SYNE1: variants seen among roughly 807,000 people sequenced by gnomAD.
The protein encoded by SYNE1 is nesprin-1.
In SYNE1, 616 loss-of-function variants were observed where a neutral mutation model predicts 1,111.0. The observed-to-expected ratio is 0.55, with a 90% CI of 0.52 to 0.59. SYNE1 has a LOEUF of 0.59. Ranked by LOEUF, SYNE1 falls within the 20% of genes least tolerant of loss-of-function variation. The pLI is 0.00. For missense variants in SYNE1, 10,006 were observed against 10,417.0 expected (o/e 0.96, Z 1.72); for synonymous variants, 3,855 against 3,825.8 (o/e 1.01, Z -0.28).
At chr6:152,275,170 C>A (rs948401379) in intron 98 of SYNE1, among the ~76,000 whole-genome samples, 1 of 152,078 alleles carries the variant, frequency 6.6e-6, no homozygotes, top group Non-Finnish European at 1.5e-5. Context: ...GCCTCCCAAA[C>A]TGCTAAGATT....
intron 3 of SYNE1, among the ~76,000 whole-genome samples, chr6:152,596,544 G>T (rs899026590): frequency 1.6e-4 from 24 of 152,232 alleles, no homozygotes; most frequent in African/African-American, 5.8e-4. Flanking sequence ...GAGTGAGCCA[G>T]TGTGCCCGGC....
intron 14 of SYNE1, among the ~76,000 whole-genome samples, chr6:152,476,877 A>AAAAG (rs1163417491): frequency 1.3e-5 from 2 of 151,450 alleles, no homozygotes; most frequent in Non-Finnish European, 2.9e-5. Context: ...TAAAAAAAAA[A>AAAAG]AAAAGAAAAG....
At chr6:152,578,000 T>C (rs149745051) in intron 3 of SYNE1, among the ~76,000 whole-genome samples, 433 of 152,268 alleles carry the variant, frequency 2.8e-3, no homozygotes, top group African/African-American at 0.01. Flanking sequence ...GCGGTGTTTT[T>C]GTGAGTGTGG....
intron 63 of SYNE1, among the ~76,000 whole-genome samples, chr6:152,363,925 C>T (rs1169653148): frequency 1.3e-5 from 2 of 152,208 alleles, no homozygotes; most frequent in Admixed American, 6.5e-5. Context: ...TTGCTCACAA[C>T]GGTGGGCAAC....
At chr6:152,576,708 C>T (rs1384194254) in intron 3 of SYNE1, among the ~76,000 whole-genome samples, 1 of 152,108 alleles carries the variant, frequency 6.6e-6, no homozygotes, top group East Asian at 1.9e-4. Flanking sequence ...AAATTAGCTA[C>T]AGGAAGTGGG....
Position 152,629,522 on chromosome 6 carries a change from C to CGGGGGGG in SYNE1, c.-223-975_-223-969dup, listed in dbSNP as rs766614719. 3.7e-3 allele frequency among the ~76,000 whole-genome samples: 23 copies of CGGGGGGG among 6,138 alleles called. 1 individual carries two copies. Among genetic ancestry groups the CGGGGGGG allele is most frequent in the Non-Finnish European group, 4.7e-3 (17 of 3,646 alleles). 4.0% of individuals were successfully genotyped at this position (6,138 alleles called of 152,430 possible). ...TGCCTGGCTGGTTAAGTTTCATTGC[C>CGGGGGGG]GGGGGGGGGGGGGGGAGGGGGAGGG... is the stretch of plus-strand genomic sequence containing the variant. On this transcript the variant is annotated intron_variant, in intron 2 of 145. Transcript: ENST00000367255.
intron 6 of SYNE1, chr6:152,511,503 A>G: frequency 1.3e-5 from 19 of 1,417,864 alleles, no homozygotes; most frequent in Non-Finnish European, 1.6e-5. Flanking sequence ...GTTACCAAAT[A>G]GCAGGTAACT....
In SYNE1 at chr6:152,628,476, G is replaced by A. The variant is rs2099690623; in HGVS notation, c.-145C>T. The A allele has an allele frequency of 1.3e-6, 1 of 785,468 alleles. No individual in the cohort carries two copies. The highest frequency in any genetic ancestry group is 1.4e-5 in the South Asian group (1 of 70,592). The allele number at this position is 785,468 out of a possible 1,614,324, so 48.7% of individuals were successfully genotyped here. ...CCAGGCCTTTGCAGCACTCAACAAG[G>A]AGGCAGCTCTCCCAAAGACTGAACT... On this transcript the variant is annotated 5_prime_UTR_variant, in exon 3 of 146. Transcript: ENST00000367255.
chr6:152,330,829 A>AG lies in SYNE1; in HGVS notation c.13855dup (p.Leu4619ProfsTer17). ...CTGCCCAGTTCTCTGCAGCGTAAGT[A>AG]GAAGATTTTCATATTCTGGAGATTG... On this transcript the variant is annotated frameshift_variant, in exon 78 of 146. Transcript: ENST00000367255. LOFTEE classifies it high-confidence loss of function. The AG allele has an allele frequency of 6.2e-7, 1 of 1,614,080 alleles. No homozygotes were observed.
chr6:152,441,527 T>C (rs1251699633), intron 31 of SYNE1, among the ~76,000 whole-genome samples: 1 of 152,068 alleles, frequency 6.6e-6, no homozygotes, highest in Non-Finnish European at 1.5e-5. Flanking sequence ...CTTAGAAATG[T>C]AAAGATATTA....
intron 131 of SYNE1, among the ~76,000 whole-genome samples, chr6:152,161,825 T>G (rs1164996520): frequency 6.6e-6 from 1 of 152,178 alleles, no homozygotes; most frequent in African/African-American, 2.4e-5. Context: ...GAAGGTACTT[T>G]TTGCTTGTCT....
At chr6:152,407,735 G>A (rs2097921113) in intron 44 of SYNE1, among the ~76,000 whole-genome samples, 1 of 148,284 alleles carries the variant, frequency 6.7e-6, no homozygotes. Flanking sequence ...AACAAAAATA[G>A]CATGTTAAAA....
chr6:152,310,919 G>C, intron 87 of SYNE1, 46 bp from the exon 88 acceptor site: 1 of 1,580,632 alleles, frequency 6.3e-7, no homozygotes, highest in Non-Finnish European at 8.6e-7. Flanking sequence ...GCAGGTAGAG[G>C]GATATAGATA....
At chr6:152,231,044 C>T (rs535277652) in intron 114 of SYNE1, among the ~76,000 whole-genome samples, 21 of 152,150 alleles carry the variant, frequency 1.4e-4, no homozygotes, top group African/African-American at 4.3e-4. Flanking sequence ...ATGCAGCCCG[C>T]GGGCTGGGCA....
At chr6:152,408,597 C>G (rs1044036922) in intron 44 of SYNE1, among the ~76,000 whole-genome samples, 4 of 152,108 alleles carry the variant, frequency 2.6e-5, no homozygotes, top group Admixed American at 1.3e-4. Flanking sequence ...TTTATTATTT[C>G]TAAACTTTAT....
Position 152,629,015 on chromosome 6 carries a change from G to T in SYNE1, c.-223-461C>A, listed in dbSNP as rs1442264133. ...TCCTTGTTTCTCATACCAATTTGAT[G>T]AATTAAAGCAGTATAAATGTAAAAA... On this transcript the variant is annotated intron_variant, in intron 2 of 145. Coordinates refer to ENST00000367255, the MANE Select transcript of SYNE1 (RefSeq NM_182961.4). 2.6e-5 allele frequency among the ~76,000 whole-genome samples: 4 copies of T among 152,224 alleles called. No individual in the cohort carries two copies. In the East Asian group the frequency reaches 7.7e-4, roughly 29 times the overall value.
At chr6:152,493,963 C>A (rs62427698) in intron 11 of SYNE1, among the ~76,000 whole-genome samples, 30,607 of 152,120 alleles carry the variant, frequency 0.2, 3,369 homozygotes, top group East Asian at 0.46. Flanking sequence ...TGCTCACACA[C>A]TAGCTCTCCC....
intron 104 of SYNE1, among the ~76,000 whole-genome samples, chr6:152,252,577 T>A (rs2089650678): frequency 6.6e-6 from 1 of 152,198 alleles, no homozygotes; most frequent in African/African-American, 2.4e-5. Context: ...CAAAAGCTAA[T>A]CCTGAAAGAT....
Position 152,156,059 on chromosome 6 carries a change from A to C in SYNE1, c.23829T>G (p.Val7943=). ...QRDIEKHSTG[V]ASVLNLCEVL... is the part of the protein sequence containing the mutation. ...CTTCACACAGGTTGAGGACAGATGC[A>C]ACACCTGTACTGTGCTTCTCTATGT... The change falls in exon 132 of 146, where the codon GTT becomes GTG. Residue 7943 remains valine, a synonymous_variant. Transcript: ENST00000367255. 1 of 1,614,214 alleles carries C rather than the reference A, an allele frequency of 6.2e-7. No homozygotes were observed. Among genetic ancestry groups the C allele is most frequent in the East Asian group, 2.2e-5 (1 of 44,884 alleles).
Sources: allele counts gnomAD v4.1 joint callset (sites outside exome capture counted in the v4.1 genomes callset), GRCh38; gene constraint gnomAD v4.1.1; transcripts MANE v1.5; gene names NCBI Gene and HGNC (gene_info 2026-07-23, HGNC 2026-07-21).